Variants in KIAA1328 observed in about 807,000 individuals in gnomAD.
The protein encoded by KIAA1328 is protein hinderin.
In KIAA1328, 52 loss-of-function variants were observed where a neutral mutation model predicts 68.1. The observed-to-expected ratio is 0.76, with a 90% CI of 0.61 to 0.96. The LOEUF is 0.96. Ranked by LOEUF, KIAA1328 falls within the 40% of genes least tolerant of loss-of-function variation. The probability of loss-of-function intolerance (pLI) is 0.00; values close to 1 mark genes in which losing one functional copy is unlikely to be tolerated. For synonymous variants in KIAA1328, 232 were observed against 239.4 expected (o/e 0.97, Z 0.28); for missense variants, 641 against 677.6 (o/e 0.95, Z 0.60).
chr18:36,934,896 T>A (rs1361420448), intron 5 of KIAA1328, among the ~76,000 whole-genome samples: 1 of 152,234 alleles, frequency 6.6e-6, no homozygotes, highest in Non-Finnish European at 1.5e-5. Flanking sequence ...ATAAGAAATA[T>A]GTGCTTTTAT....
chr18:36,891,248 A>C (rs1405456729), intron 5 of KIAA1328, among the ~76,000 whole-genome samples: 1 of 152,244 alleles, frequency 6.6e-6, no homozygotes. Flanking sequence ...AATTATGTAC[A>C]TATATTTAAA....
intron 6 of KIAA1328, among the ~76,000 whole-genome samples, chr18:37,022,198 G>T (rs322636): frequency 6.6e-6 from 1 of 151,956 alleles, no homozygotes; most frequent in African/African-American, 2.4e-5. Flanking sequence ...GGCTGTTAAC[G>T]CTCAGGAACA....
chr18:36,886,948 G>A (rs554216616), intron 5 of KIAA1328, among the ~76,000 whole-genome samples: 19 of 152,166 alleles, frequency 1.2e-4, no homozygotes, highest in Non-Finnish European at 2.5e-4. Flanking sequence ...TTTCCAAGCA[G>A]TGGGAGTTCA....
chr18:36,890,405 T>G (rs2048643986), intron 5 of KIAA1328, among the ~76,000 whole-genome samples: 2 of 152,134 alleles, frequency 1.3e-5, no homozygotes, highest in Admixed American at 1.3e-4. Context: ...GCGTCATGGC[T>G]CACGCTTATA....
At chr18:37,158,018 T>C (rs2059192863) in intron 7 of KIAA1328, among the ~76,000 whole-genome samples, 1 of 151,670 alleles carries the variant, frequency 6.6e-6, no homozygotes, top group Admixed American at 6.6e-5. Flanking sequence ...AGAAATTCCT[T>C]TTTTTTTCTT....
At chr18:37,091,998 G>A (rs995676424) in intron 7 of KIAA1328, among the ~76,000 whole-genome samples, 3 of 152,058 alleles carry the variant, frequency 2.0e-5, no homozygotes, top group Non-Finnish European at 2.9e-5. Flanking sequence ...TGGCCAACTC[G>A]TATGCCATCT....
chr18:37,219,969 C>T (rs1157893530), intron 9 of KIAA1328, among the ~76,000 whole-genome samples: 1 of 152,164 alleles, frequency 6.6e-6, no homozygotes, highest in South Asian at 2.1e-4. Context: ...GGAACTGTAT[C>T]CCCCAATTTT....
chr18:37,153,350 C>A (rs1417332880), intron 7 of KIAA1328, among the ~76,000 whole-genome samples: 3 of 152,078 alleles, frequency 2.0e-5, no homozygotes, highest in African/African-American at 7.2e-5. Context: ...TTGGGTATTA[C>A]CCCAGATGAA....
chr18:37,026,155 C>T (rs925376945), intron 6 of KIAA1328, among the ~76,000 whole-genome samples: 18 of 152,136 alleles, frequency 1.2e-4, no homozygotes, highest in Admixed American at 2.6e-4. Context: ...CACATACACC[C>T]TCCCAAGACT....
intron 7 of KIAA1328, among the ~76,000 whole-genome samples, chr18:37,159,074 T>A (rs928872163): frequency 3.3e-5 from 5 of 152,212 alleles, no homozygotes; most frequent in African/African-American, 1.2e-4. Context: ...AGTATCACTT[T>A]TATACATTTT....
At chr18:36,870,064 A>G (rs1338886637) in intron 4 of KIAA1328, among the ~76,000 whole-genome samples, 1 of 152,044 alleles carries the variant, frequency 6.6e-6, no homozygotes, top group African/African-American at 2.4e-5. Flanking sequence ...GGGTTTCACC[A>G]TGTTGACCAG....
chr18:36,972,580 G>A (rs530351430), intron 6 of KIAA1328, among the ~76,000 whole-genome samples: 34 of 152,106 alleles, frequency 2.2e-4, no homozygotes, highest in African/African-American at 8.2e-4. Context: ...TACTTTTTTT[G>A]GTGTCAGAGT....
At chr18:37,122,246 C>T (rs1017919794) in intron 7 of KIAA1328, among the ~76,000 whole-genome samples, 3 of 152,078 alleles carry the variant, frequency 2.0e-5, no homozygotes, top group Non-Finnish European at 2.9e-5. Context: ...TTGTGTCGTG[C>T]TTAAAGGGTT....
chr18:37,118,218 C>T (rs183738978), intron 7 of KIAA1328, among the ~76,000 whole-genome samples: 1 of 152,034 alleles, frequency 6.6e-6, no homozygotes, highest in African/African-American at 2.4e-5. Flanking sequence ...TGGTCTTGAA[C>T]TCCTGAGCTC....
chr18:36,891,664 T>A lies in KIAA1328; in HGVS notation c.448+5992T>A, dbSNP rs1382246069. On this transcript the variant is annotated intron_variant, in intron 5 of 9. Transcript: ENST00000280020. ...TCCATTCTGTTTTCTGGCTTAGTAG[T>A]ATTCCATTGTGTGTATACCATATTT... 5.3e-5 allele frequency among the ~76,000 whole-genome samples: 8 copies of A among 152,362 alleles called. No individual in the cohort carries two copies. In the East Asian group the frequency reaches 1.5e-3, roughly 29 times the overall value.
chr18:36,937,222 A>G (rs1258725302), intron 5 of KIAA1328, among the ~76,000 whole-genome samples: 1 of 152,242 alleles, frequency 6.6e-6, no homozygotes, highest in Non-Finnish European at 1.5e-5. Context: ...AGATGGATTA[A>G]AGACTTAAAT....
chr18:37,128,147 G>C lies in KIAA1328; in HGVS notation c.1233-32053G>C, dbSNP rs549613943. On this transcript the variant is annotated intron_variant, in intron 7 of 9. Transcript: ENST00000280020. ...TTTTTAAAAATCTTTGTGACCTTGG[G>C]CTATGCAAAGATTTTTTGTAACACA... is the stretch of plus-strand genomic sequence containing the variant. Among the ~76,000 whole-genome samples the C allele has an allele frequency of 5.9e-5, 9 of 152,182 alleles. No homozygotes were observed. The South Asian group carries it at 1.9e-3, about 32-fold the overall frequency.
intron 7 of KIAA1328, among the ~76,000 whole-genome samples, chr18:37,113,191 C>A (rs1384422246): frequency 6.6e-6 from 1 of 151,948 alleles, no homozygotes; most frequent in Non-Finnish European, 1.5e-5. Context: ...AGAGCAACTC[C>A]AAGACACATA....
intron 6 of KIAA1328, among the ~76,000 whole-genome samples, chr18:37,023,000 T>C (rs1044571323): frequency 2.0e-5 from 3 of 152,168 alleles, no homozygotes; most frequent in Non-Finnish European, 4.4e-5. Flanking sequence ...TAACATCTTA[T>C]AAACAATCAC....
Sources: allele counts gnomAD v4.1 joint callset (sites outside exome capture counted in the v4.1 genomes callset), GRCh38; gene constraint gnomAD v4.1.1; transcripts MANE v1.5; gene names NCBI Gene and HGNC (gene_info 2026-07-23, HGNC 2026-07-21).